Variants in GLIS1 observed in about 807,000 individuals in gnomAD.
The protein encoded by GLIS1 is GLIS family zinc finger 1, also known as zinc finger protein GLIS1.
GLIS1 carries 24 observed loss-of-function variants against 63.8 expected under a neutral mutation model. The observed-to-expected ratio is 0.38, with a 90% confidence interval of 0.27 to 0.53. GLIS1 has a LOEUF of 0.53. Ranked by LOEUF, GLIS1 falls within the 20% of genes least tolerant of loss-of-function variation. The pLI, the probability that GLIS1 is intolerant of heterozygous loss-of-function variation, is 0.85. For missense variants in GLIS1, 1,036 were observed against 1,074.1 expected (o/e 0.96, Z 0.50); for synonymous variants, 450 against 482.5 (o/e 0.93, Z 0.88).
chr1:53,601,754 T>A (rs1375246911), intron 2 of GLIS1, among the ~76,000 whole-genome samples: 6 of 152,190 alleles, frequency 3.9e-5, no homozygotes, highest in Admixed American at 3.9e-4. Flanking sequence ...TCTTAATCGC[T>A]ATGTAATAAG....
chr1:53,728,867 T>C (rs1287084489), intron 2 of GLIS1, among the ~76,000 whole-genome samples: 2 of 152,232 alleles, frequency 1.3e-5, no homozygotes, highest in African/African-American at 4.8e-5. Flanking sequence ...ATCAAAGGGC[T>C]CAGATTTTTC....
rs1314128283 is a variant in GLIS1, at chr1:53,506,316, A to C, written c.*303T>G. The C allele has an allele frequency of 2.7e-6, 1 of 374,458 alleles. No homozygotes were observed. The highest frequency in any genetic ancestry group is 4.8e-6 in the Non-Finnish European group (1 of 207,862). 23.2% of individuals were successfully genotyped at this position (374,458 alleles called of 1,614,324 possible). Reference sequence around the variant, plus strand: ...CAGGGGAACGGAAAACAAGTTCTGCATATTTTATATACACGAGGTCTGTGA... The same window carrying C: ...CAGGGGAACGGAAAACAAGTTCTGCCTATTTTATATACACGAGGTCTGTGA... On this transcript the variant is annotated 3_prime_UTR_variant, in exon 11 of 11. Transcript: ENST00000628545.
intron 2 of GLIS1, among the ~76,000 whole-genome samples, chr1:53,608,120 C>G (rs569981685): frequency 6.6e-6 from 1 of 152,258 alleles, no homozygotes; most frequent in East Asian, 1.9e-4. Flanking sequence ...TGTGTACCAC[C>G]ATACTTGGCT....
chr1:53,590,440 G>A (rs1355586559), intron 4 of GLIS1, among the ~76,000 whole-genome samples: 2 of 152,098 alleles, frequency 1.3e-5, no homozygotes, highest in South Asian at 2.1e-4. Flanking sequence ...TAAAACCCAA[G>A]GTAGAGAAGG....
At chr1:53,540,710 C>T (rs888468850) in intron 4 of GLIS1, among the ~76,000 whole-genome samples, 19 of 152,316 alleles carry the variant, frequency 1.2e-4, no homozygotes, top group Admixed American at 9.8e-4. Context: ...AGCTTCACCC[C>T]GAGCTGCCTG....
chr1:53,546,320 A>G (rs915273279), intron 4 of GLIS1, among the ~76,000 whole-genome samples: 2 of 152,252 alleles, frequency 1.3e-5, no homozygotes, highest in African/African-American at 4.8e-5. Context: ...CTGCAGCAGC[A>G]GCCAAGAGTC....
At chr1:53,603,931 C>T (rs1557476255) in intron 2 of GLIS1, among the ~76,000 whole-genome samples, 1 of 152,214 alleles carries the variant, frequency 6.6e-6, no homozygotes, top group Non-Finnish European at 1.5e-5. Context: ...AAGGAAAGGG[C>T]CTGCCCCAGC....
At position 53,704,224 on chromosome 1, in the gene GLIS1, C is replaced by T. The variant is rs116321664; in HGVS notation, c.259+33582G>A. Among the ~76,000 whole-genome samples the T allele has an allele frequency of 8.4e-3, 1,284 of 152,374 alleles. 15 individuals carry two copies. Among genetic ancestry groups the T allele is most frequent in the African/African-American group, 0.03 (1,236 of 41,576 alleles). On this transcript the variant is annotated intron_variant, in intron 2 of 10. Coordinates refer to ENST00000628545, the MANE Select transcript of GLIS1 (RefSeq NM_001367484.1). ...AATTGGGGTGCTCTCCCAGGACCAC[C>T]GTGTCAAACAGCACCTTGCCGAATG...
intron 2 of GLIS1, among the ~76,000 whole-genome samples, chr1:53,684,805 C>G (rs191701438): frequency 6.6e-6 from 1 of 152,336 alleles, no homozygotes; most frequent in Admixed American, 6.5e-5. Context: ...CACCTCTCAG[C>G]AGAAGTCCTG....
intron 4 of GLIS1, among the ~76,000 whole-genome samples, chr1:53,573,720 G>A (rs769154900): frequency 3.9e-5 from 6 of 152,300 alleles, no homozygotes; most frequent in Non-Finnish European, 7.4e-5. Flanking sequence ...ATGCACACAT[G>A]GGCCCTCAGA....
At chr1:53,510,388 C>T (rs1365206109) in intron 8 of GLIS1, among the ~76,000 whole-genome samples, 2 of 152,228 alleles carry the variant, frequency 1.3e-5, no homozygotes, top group East Asian at 3.9e-4. Flanking sequence ...GCTGGCTCAC[C>T]ACCGGGCACG....
At chr1:53,614,369 A>G (rs927628784) in intron 2 of GLIS1, among the ~76,000 whole-genome samples, 12 of 152,184 alleles carry the variant, frequency 7.9e-5, no homozygotes, top group African/African-American at 2.9e-4. Flanking sequence ...GAGGGAGGGC[A>G]TGCCAGGAAG....
chr1:53,634,805 T>C (rs764341231), intron 2 of GLIS1, among the ~76,000 whole-genome samples: 1 of 152,116 alleles, frequency 6.6e-6, no homozygotes, highest in Non-Finnish European at 1.5e-5. Flanking sequence ...TGGAGCCACC[T>C]TGACCCAGGG....
chr1:53,577,130 T>TC (rs1188358676), intron 4 of GLIS1, among the ~76,000 whole-genome samples: 28 of 107,822 alleles, frequency 2.6e-4, no homozygotes, highest in East Asian at 4.9e-4. Flanking sequence ...TCCTCCAGCC[T>TC]CCCCCCCCTC....
chr1:53,571,793 T>C lies in GLIS1; in HGVS notation c.1320+22315A>G, dbSNP rs551260379. Among the ~76,000 whole-genome samples, 568 of 151,972 alleles carry C rather than the reference T, an allele frequency of 3.7e-3. 1 individual carries two copies. Among genetic ancestry groups the C allele is most frequent in the South Asian group, 6.0e-3 (29 of 4,816 alleles). The stretch of plus-strand genomic sequence containing the variant: ...CGGGGTTTCACCGTGTTAGCCAGGA[T>C]GGTCTCGATCTCCTGACCTCGTGAT... On this transcript the variant is annotated intron_variant, in intron 4 of 10. Coordinates refer to ENST00000628545, the MANE Select transcript of GLIS1 (RefSeq NM_001367484.1).
intron 4 of GLIS1, among the ~76,000 whole-genome samples, chr1:53,573,669 C>T (rs1444277553): frequency 1.3e-5 from 2 of 152,222 alleles, no homozygotes; most frequent in African/African-American, 4.8e-5. Context: ...CGCACACACA[C>T]ATGCACAGTT....
chr1:53,711,287 C>T (rs1428408426), intron 2 of GLIS1, among the ~76,000 whole-genome samples: 2 of 152,196 alleles, frequency 1.3e-5, no homozygotes, highest in Non-Finnish European at 1.5e-5. Flanking sequence ...GAGCCCAGGC[C>T]TAACCATGTC....
chr1:53,667,055 G>A (rs188644019), intron 2 of GLIS1, among the ~76,000 whole-genome samples: 1 of 152,282 alleles, frequency 6.6e-6, no homozygotes, highest in Non-Finnish European at 1.5e-5. Context: ...CTTAATTTGA[G>A]GTTCAGTTTT....
At position 53,514,667 on chromosome 1, in the gene GLIS1, TG is replaced by T; in HGVS notation, c.1840del (p.His614ThrfsTer24). 6.2e-7 allele frequency: 1 copy of T among 1,612,562 alleles called. No individual in the cohort carries two copies. ...HPLDATTSSH[H>X]HLSPLPMAES... ...AGCCATGGGCAGAGGGGACAGATGG[TG>T]GTGGGAACTGGTGGTGGCATCCAGC... On this transcript the variant is annotated frameshift_variant, in exon 8 of 11. Coordinates refer to ENST00000628545, the MANE Select transcript of GLIS1 (RefSeq NM_001367484.1). LOFTEE classifies it high-confidence loss of function.
Sources: allele counts gnomAD v4.1 joint callset (sites outside exome capture counted in the v4.1 genomes callset), GRCh38; gene constraint gnomAD v4.1.1; transcripts MANE v1.5; gene names NCBI Gene and HGNC (gene_info 2026-07-23, HGNC 2026-07-21).